The following MSRA variants were observed in gnomAD, a reference collection of about 807,000 sequenced individuals.
MSRA encodes the protein methionine sulfoxide reductase A, also known as mitochondrial peptide methionine sulfoxide reductase.
In MSRA, 54 loss-of-function variants were observed where a neutral mutation model predicts 31.3. The ratio of observed to expected loss-of-function variants is 1.73; its 90% CI spans 1.39 to 2.17. MSRA has a LOEUF of 2.17. Ranked by LOEUF, MSRA falls within the 30% of genes most tolerant of loss-of-function variation. The pLI, the probability that MSRA is intolerant of heterozygous loss-of-function variation, is 0.00. For missense variants in MSRA, 507 were observed against 300.9 expected (o/e 1.69, Z -5.07); for synonymous variants, 169 against 116.5 (o/e 1.45, Z -2.90).
rs554310328 is a variant in MSRA at position 10,310,121 on chromosome 8, G to C, written c.436+8483G>C. ...TTAAAATAAGTCACCAGTTTTGAAGGACTATCCTTTTTTAGACCATATACA... is the reference window on the plus strand; with the variant it reads ...TTAAAATAAGTCACCAGTTTTGAAGCACTATCCTTTTTTAGACCATATACA... On this transcript the variant is annotated intron_variant, in intron 4 of 5. Coordinates refer to ENST00000317173, the MANE Select transcript of MSRA (RefSeq NM_012331.5). 3.9e-5 allele frequency among the ~76,000 whole-genome samples: 6 copies of C among 152,298 alleles called. No homozygotes were observed. In the East Asian group the frequency reaches 1.2e-3, roughly 29 times the overall value.
At chr8:10,119,766 A>G (rs779310093) in intron 1 of MSRA, among the ~76,000 whole-genome samples, 1 of 152,146 alleles carries the variant, frequency 6.6e-6, no homozygotes, top group Non-Finnish European at 1.5e-5. Context: ...ACTGAGAACA[A>G]TGCTGGGGTT....
intron 1 of MSRA, among the ~76,000 whole-genome samples, chr8:10,193,360 G>T (rs1459210136): frequency 6.6e-6 from 1 of 152,206 alleles, no homozygotes; most frequent in Non-Finnish European, 1.5e-5. Flanking sequence ...TCAGTGTGAG[G>T]CCGCCTCCTC....
At chr8:10,237,158 AGT>A (rs1178313621) in intron 2 of MSRA, among the ~76,000 whole-genome samples, 4 of 152,212 alleles carry the variant, frequency 2.6e-5, no homozygotes, top group Non-Finnish European at 5.9e-5. Context: ...AACTAGGTTG[AGT>A]TTTTCTCCTC....
chr8:10,396,229 C>T (rs964335012), intron 5 of MSRA, among the ~76,000 whole-genome samples: 4 of 152,196 alleles, frequency 2.6e-5, no homozygotes, highest in African/African-American at 9.6e-5. Flanking sequence ...GAAGCGTTTC[C>T]TGCACTCAGC....
At chr8:10,141,377 G>C (rs1179839792) in intron 1 of MSRA, among the ~76,000 whole-genome samples, 1 of 152,210 alleles carries the variant, frequency 6.6e-6, no homozygotes, top group African/African-American at 2.4e-5. Context: ...TCAAGGATGA[G>C]TTGAGGTTTG....
chr8:10,148,838 A>G (rs997792089), intron 1 of MSRA, among the ~76,000 whole-genome samples: 1 of 151,866 alleles, frequency 6.6e-6, no homozygotes, highest in African/African-American at 2.4e-5. Context: ...CTCAAAAAAA[A>G]AAAAAATCAT....
At chr8:10,155,848 A>G (rs1167488937) in intron 1 of MSRA, among the ~76,000 whole-genome samples, 2 of 152,192 alleles carry the variant, frequency 1.3e-5, no homozygotes, top group Non-Finnish European at 2.9e-5. Flanking sequence ...TAACAAATAT[A>G]GAAGGAGTTA....
At chr8:10,382,207 C>T (rs781078025) in intron 5 of MSRA, among the ~76,000 whole-genome samples, 3 of 152,218 alleles carry the variant, frequency 2.0e-5, no homozygotes, top group Non-Finnish European at 2.9e-5. Context: ...GATGAGGCTG[C>T]TGGCTTCCCT....
intron 2 of MSRA, among the ~76,000 whole-genome samples, chr8:10,224,729 C>T (rs1375695219): frequency 6.6e-6 from 1 of 152,196 alleles, no homozygotes; most frequent in East Asian, 1.9e-4. Context: ...CGTGGTACAG[C>T]TGTGATCATA....
intron 1 of MSRA, among the ~76,000 whole-genome samples, chr8:10,128,233 G>A (rs1357595918): frequency 2.6e-5 from 4 of 152,028 alleles, no homozygotes; most frequent in African/African-American, 7.2e-5. Context: ...CAAAACATTA[G>A]CCAGGCGTGG....
At chr8:10,376,795 A>T (rs953918028) in intron 5 of MSRA, among the ~76,000 whole-genome samples, 1 of 152,176 alleles carries the variant, frequency 6.6e-6, no homozygotes. Context: ...CAACTATACA[A>T]AGTTTGGTTT....
chr8:10,284,314 G>A (rs1024932830), intron 3 of MSRA, among the ~76,000 whole-genome samples: 28 of 151,908 alleles, frequency 1.8e-4, no homozygotes, highest in East Asian at 3.9e-4. Context: ...TCAGCCTCCC[G>A]AATAGCTGGG....
rs1473597133 is a variant in MSRA, at chr8:10,242,646, TATTC to T, written c.212-2455_212-2452del. 5.3e-5 allele frequency among the ~76,000 whole-genome samples: 8 copies of T among 152,302 alleles called. No individual in the cohort carries two copies. In the East Asian group the frequency reaches 1.4e-3, roughly 26 times the overall value. On this transcript the variant is annotated intron_variant, in intron 2 of 5. Coordinates refer to ENST00000317173, the MANE Select transcript of MSRA (RefSeq NM_012331.5). ...GTGCATACTATATTTTATTTGCTGA[TATTC>T]ATAATGATCACCAGATTATTGAAAT...
At chr8:10,062,382 T>C (rs1421870350) in intron 1 of MSRA, among the ~76,000 whole-genome samples, 1 of 152,228 alleles carries the variant, frequency 6.6e-6, no homozygotes, top group Non-Finnish European at 1.5e-5. Flanking sequence ...CATGCTGCTC[T>C]TATCTTCCTC....
chr8:10,256,141 C>T (rs542206694), intron 3 of MSRA, among the ~76,000 whole-genome samples: 3 of 152,312 alleles, frequency 2.0e-5, no homozygotes, highest in South Asian at 2.1e-4. Flanking sequence ...CATCCTCCCC[C>T]CCCAACCCCT....
intron 1 of MSRA, among the ~76,000 whole-genome samples, chr8:10,134,917 G>A (rs535433844): frequency 6.6e-6 from 1 of 152,232 alleles, no homozygotes. Context: ...CGGAGTGTTT[G>A]TTGTGTAGCC....
At chr8:10,120,002 G>A (rs558261080) in intron 1 of MSRA, among the ~76,000 whole-genome samples, 1 of 152,272 alleles carries the variant, frequency 6.6e-6, no homozygotes, top group East Asian at 1.9e-4. Context: ...TATAGGAGAG[G>A]GTCGCCCTGT....
At chr8:10,325,397 A>G (rs1338062582) in intron 5 of MSRA, among the ~76,000 whole-genome samples, 1 of 152,132 alleles carries the variant, frequency 6.6e-6, no homozygotes. Context: ...AACAGCAACA[A>G]CAGTACCAAC....
At chr8:10,191,674 TG>T (rs1807518667) in intron 1 of MSRA, among the ~76,000 whole-genome samples, 1 of 151,944 alleles carries the variant, frequency 6.6e-6, no homozygotes, top group East Asian at 1.9e-4. Context: ...AACTTAGAAA[TG>T]GGTCATGTTC....
Sources: gnomAD v4.1 joint callset for allele counts (sites outside exome capture counted in the v4.1 genomes callset) on GRCh38, gnomAD v4.1.1 for gene constraint, MANE v1.5 for transcripts, NCBI Gene and HGNC (gene_info 2026-07-23, HGNC 2026-07-21) for gene names.